Variants in NRG3 observed in about 807,000 individuals in gnomAD.
NRG3 encodes neuregulin 3.
In NRG3, 31 loss-of-function variants were observed where a neutral mutation model predicts 66.9. The observed-to-expected ratio is 0.46, with a 90% CI of 0.35 to 0.63. The LOEUF (loss-of-function observed/expected upper bound fraction) is 0.63, where lower values mean the gene tolerates loss of function less well. Among genes scored for constraint, NRG3 ranks in the 20% least tolerant of loss-of-function variants. The pLI is 0.00. For missense variants in NRG3, 910 were observed against 878.9 expected (o/e 1.04, Z -0.45); for synonymous variants, 393 against 359.4 (o/e 1.09, Z -1.06).
intron 1 of NRG3, among the ~76,000 whole-genome samples, chr10:81,949,251 A>G (rs910556137): frequency 2.6e-5 from 4 of 152,186 alleles, no homozygotes; most frequent in Admixed American, 6.6e-5. Flanking sequence ...GCCCTCAGGT[A>G]AACAAAGACG....
intron 1 of NRG3, among the ~76,000 whole-genome samples, chr10:82,097,394 A>ACACACACACACT (rs1387515392): frequency 6.9e-6 from 1 of 144,996 alleles, no homozygotes; most frequent in African/African-American, 2.6e-5. Flanking sequence ...ACACACACAC[A>ACACACACACACT]CACTCCCAGA....
chr10:81,990,215 A>G (rs2060687695), intron 1 of NRG3, among the ~76,000 whole-genome samples: 1 of 152,154 alleles, frequency 6.6e-6, no homozygotes, highest in African/African-American at 2.4e-5. Flanking sequence ...TTGTGACTTG[A>G]ATATTCTACA....
chr10:82,516,401 G>T (rs1311186560), intron 2 of NRG3, among the ~76,000 whole-genome samples: 1 of 152,102 alleles, frequency 6.6e-6, no homozygotes, highest in Non-Finnish European at 1.5e-5. Context: ...ACCAGACTTT[G>T]ATGGTTGGTG....
At chr10:82,326,987 G>A (rs561159680) in intron 1 of NRG3, among the ~76,000 whole-genome samples, 1 of 152,276 alleles carries the variant, frequency 6.6e-6, no homozygotes, top group South Asian at 2.1e-4. Flanking sequence ...AATTAGTAAA[G>A]GCTAGTATCA....
chr10:82,974,024 T>C, intron 7 of NRG3, 109 bp downstream of exon 7: 3 of 1,268,604 alleles, frequency 2.4e-6, no homozygotes, highest in Non-Finnish European at 3.3e-6. Flanking sequence ...CTGTTCTTGC[T>C]TCTCCTGTAG....
intron 2 of NRG3, among the ~76,000 whole-genome samples, chr10:82,404,804 C>T (rs753052072): frequency 2.0e-5 from 3 of 152,120 alleles, no homozygotes; most frequent in Non-Finnish European, 2.9e-5. Context: ...AAAGGACACC[C>T]ATTTTTGCAT....
intron 2 of NRG3, among the ~76,000 whole-genome samples, chr10:82,616,902 T>C (rs1001916487): frequency 6.6e-6 from 1 of 152,192 alleles, no homozygotes; most frequent in Admixed American, 6.5e-5. Flanking sequence ...CCTATGTCAG[T>C]GTTTCATAAG....
intron 1 of NRG3, among the ~76,000 whole-genome samples, chr10:81,934,432 A>AC (rs1340402844): frequency 6.6e-6 from 1 of 152,012 alleles, no homozygotes; most frequent in Non-Finnish European, 1.5e-5. Flanking sequence ...AGCATCGGAC[A>AC]CTCCCTCCGT....
In NRG3 at chr10:82,273,663, C is replaced by A. The variant is rs575229506; in HGVS notation, c.824-85076C>A. On this transcript the variant is annotated intron_variant, in intron 1 of 8. Transcript: ENST00000372141. ...TTAATGTGTTGATAATATGTGGTTTCTTTTACGAAAATACTGTTTTTCATA... is the reference window on the plus strand; with the variant it reads ...TTAATGTGTTGATAATATGTGGTTTATTTTACGAAAATACTGTTTTTCATA... Among the ~76,000 whole-genome samples the A allele has an allele frequency of 8.6e-5, 13 of 151,962 alleles. No individual in the cohort carries two copies. The East Asian group carries it at 2.5e-3, about 29-fold the overall frequency.
intron 1 of NRG3, among the ~76,000 whole-genome samples, chr10:81,907,484 T>A (rs1225574101): frequency 6.6e-6 from 1 of 152,200 alleles, no homozygotes; most frequent in Admixed American, 6.5e-5. Context: ...GATTACATTT[T>A]AAAATATATG....
intron 2 of NRG3, among the ~76,000 whole-genome samples, chr10:82,718,697 G>A (rs2134472428): frequency 6.6e-6 from 1 of 152,252 alleles, no homozygotes; most frequent in Middle Eastern, 3.4e-3. Context: ...CACAGAATCT[G>A]GAAAATTGTA....
intron 2 of NRG3, among the ~76,000 whole-genome samples, chr10:82,568,657 T>C (rs970404641): frequency 7.2e-5 from 11 of 151,828 alleles, no homozygotes; most frequent in African/African-American, 2.7e-4. Context: ...AAATATATGA[T>C]GTCTAGCTCA....
chr10:82,247,273 A>C (rs2134059602), intron 1 of NRG3, among the ~76,000 whole-genome samples: 1 of 152,226 alleles, frequency 6.6e-6, no homozygotes, highest in East Asian at 1.9e-4. Context: ...ATAACAAATA[A>C]ATTTATTTTT....
chr10:82,935,619 T>A (rs1334794616), intron 4 of NRG3, among the ~76,000 whole-genome samples: 1 of 151,988 alleles, frequency 6.6e-6, no homozygotes, highest in Non-Finnish European at 1.5e-5. Flanking sequence ...TATGTTATTA[T>A]TTTTCTCTTT....
intron 1 of NRG3, among the ~76,000 whole-genome samples, chr10:82,067,541 T>G (rs2064552513): frequency 6.6e-6 from 1 of 152,168 alleles, no homozygotes; most frequent in Non-Finnish European, 1.5e-5. Flanking sequence ...AGAGACGGGT[T>G]TTCGCCATGT....
At chr10:82,304,359 G>A (rs1366055262) in intron 1 of NRG3, among the ~76,000 whole-genome samples, 2 of 151,796 alleles carry the variant, frequency 1.3e-5, no homozygotes, top group African/African-American at 4.8e-5. Flanking sequence ...CTTGTTTTCC[G>A]GGAGCACTTG....
chr10:82,503,913 A>G (rs1222650913), intron 2 of NRG3, among the ~76,000 whole-genome samples: 1 of 152,176 alleles, frequency 6.6e-6, no homozygotes, highest in African/African-American at 2.4e-5. Context: ...ACTTTAAAGG[A>G]GGCAGACGGC....
At chr10:82,765,987 A>C (rs1320730475) in intron 3 of NRG3, among the ~76,000 whole-genome samples, 1 of 152,154 alleles carries the variant, frequency 6.6e-6, no homozygotes, top group Non-Finnish European at 1.5e-5. Flanking sequence ...GCTTTGCAGA[A>C]GTTAGACAGT....
chr10:82,046,851 G>T (rs1004690324), intron 1 of NRG3, among the ~76,000 whole-genome samples: 7 of 108,758 alleles, frequency 6.4e-5, no homozygotes, highest in African/African-American at 1.9e-4. Flanking sequence ...CTTTGGTTCT[G>T]TTTATATGCT....
Sources: allele counts gnomAD v4.1 joint callset (sites outside exome capture counted in the v4.1 genomes callset), GRCh38; gene constraint gnomAD v4.1.1; transcripts MANE v1.5; gene names NCBI Gene and HGNC (gene_info 2026-07-23, HGNC 2026-07-21).